Variants in ALK observed in about 807,000 individuals in gnomAD.
The protein encoded by ALK is ALK tyrosine kinase receptor.
ALK carries 74 observed loss-of-function variants against 163.1 expected under a neutral mutation model. The observed-to-expected ratio is 0.45, with a 90% CI of 0.38 to 0.55. The LOEUF (loss-of-function observed/expected upper bound fraction) is 0.55, where lower values mean the gene tolerates loss of function less well. Ranked by LOEUF, ALK falls within the 20% of genes least tolerant of loss-of-function variation. The probability of loss-of-function intolerance (pLI) is 0.00; values close to 1 mark genes in which losing one functional copy is unlikely to be tolerated. For synonymous variants in ALK, 960 were observed against 843.2 expected (o/e 1.14, Z -2.40); for missense variants, 2,063 against 2,105.3 (o/e 0.98, Z 0.39).
chr2:29,388,997 C>T (rs998911772), intron 4 of ALK, among the ~76,000 whole-genome samples: 3 of 152,208 alleles, frequency 2.0e-5, no homozygotes, highest in Admixed American at 6.5e-5. Flanking sequence ...AGAGTAAAAG[C>T]TTCTTCTTTA....
intron 4 of ALK, among the ~76,000 whole-genome samples, chr2:29,431,728 G>A (rs985757809): frequency 3.9e-5 from 6 of 152,094 alleles, no homozygotes; most frequent in Middle Eastern, 3.2e-3. Flanking sequence ...GCAGATATGG[G>A]GTTCCACAAA....
intron 4 of ALK, among the ~76,000 whole-genome samples, chr2:29,457,409 G>A (rs1471301417): frequency 1.3e-5 from 2 of 152,068 alleles, no homozygotes. Flanking sequence ...GGGCTTTCAG[G>A]GGATAATTCC....
chr2:29,634,130 G>A (rs1011996989), intron 3 of ALK, among the ~76,000 whole-genome samples: 5 of 135,954 alleles, frequency 3.7e-5, no homozygotes, highest in South Asian at 4.8e-4. Context: ...TTTTTTTTTC[G>A]CTCTGTCACC....
intron 3 of ALK, among the ~76,000 whole-genome samples, chr2:29,623,940 G>C (rs1256226361): frequency 6.6e-6 from 1 of 152,130 alleles, no homozygotes; most frequent in Non-Finnish European, 1.5e-5. Context: ...GAATTGTCTT[G>C]AATGAAAATG....
intron 3 of ALK, among the ~76,000 whole-genome samples, chr2:29,546,679 T>C (rs1409277000): frequency 6.6e-6 from 1 of 152,242 alleles, no homozygotes; most frequent in African/African-American, 2.4e-5. Context: ...TTGCTTTAAG[T>C]CCCAGATGTC....
At chr2:29,384,421 A>G (rs1013928491) in intron 4 of ALK, among the ~76,000 whole-genome samples, 5 of 152,214 alleles carry the variant, frequency 3.3e-5, no homozygotes, top group Non-Finnish European at 7.3e-5. Flanking sequence ...AAAGGTACCT[A>G]AGACTGACGT....
chr2:29,264,837 G>A (rs1332202752), intron 11 of ALK, among the ~76,000 whole-genome samples: 1 of 152,168 alleles, frequency 6.6e-6, no homozygotes, highest in East Asian at 1.9e-4. Flanking sequence ...AGTGTAAGTG[G>A]ACGTTTGCTG....
intron 2 of ALK, among the ~76,000 whole-genome samples, chr2:29,715,263 A>G (rs1679212718): frequency 6.6e-6 from 1 of 152,244 alleles, no homozygotes. Context: ...ATAAATCAAT[A>G]GCAACGATGG....
chr2:29,418,571 T>C (rs116525526), intron 4 of ALK, among the ~76,000 whole-genome samples: 1,572 of 152,312 alleles, frequency 0.01, 17 homozygotes, highest in African/African-American at 0.036. Flanking sequence ...GTCTCCAATG[T>C]CTATTATTCC....
At chr2:29,750,697 A>AAGGAAGGAAGGAAGGCAGGCAGGC (rs1402085327) in intron 1 of ALK, among the ~76,000 whole-genome samples, 1 of 84,534 alleles carries the variant, frequency 1.2e-5, no homozygotes, top group Admixed American at 1.3e-4. Context: ...GGAAGGAAGG[A>AAGGAAGGAAGGAAGGCAGGCAGGC]AGGCAGGCAG....
At chr2:29,774,570 G>A (rs918367849) in intron 1 of ALK, among the ~76,000 whole-genome samples, 1 of 152,190 alleles carries the variant, frequency 6.6e-6, no homozygotes, top group Non-Finnish European at 1.5e-5. Flanking sequence ...AAAGGTTAAT[G>A]CCTTGACCAA....
At chr2:29,571,046 T>C (rs1322886588) in intron 3 of ALK, among the ~76,000 whole-genome samples, 5 of 151,946 alleles carry the variant, frequency 3.3e-5, no homozygotes, top group African/African-American at 1.2e-4. Context: ...AAAATAGACA[T>C]AAAGAAACAT....
At chr2:29,523,721 A>G (rs1161040838) in intron 4 of ALK, among the ~76,000 whole-genome samples, 1 of 152,154 alleles carries the variant, frequency 6.6e-6, no homozygotes, top group Non-Finnish European at 1.5e-5. Flanking sequence ...AGGTATTCAC[A>G]GTTCTCTCAT....
At chr2:29,487,001 C>T (rs1206297919) in intron 4 of ALK, among the ~76,000 whole-genome samples, 2 of 152,102 alleles carry the variant, frequency 1.3e-5, no homozygotes, top group Non-Finnish European at 2.9e-5. Flanking sequence ...AAAAGGGTAA[C>T]AATGGCGAAT....
chr2:29,193,110 G>T lies in ALK; in HGVS notation c.*114C>A. On this transcript the variant is annotated 3_prime_UTR_variant, in exon 29 of 29. Transcript: ENST00000389048. The stretch of plus-strand genomic sequence containing the variant: ...CTTTTTTGGTGGTACTTCAAAATAG[G>T]TTGGCACAAAACAAAACGTGACATT... The T allele has an allele frequency of 2.5e-6, 3 of 1,214,764 alleles. No individual in the cohort carries two copies. Among genetic ancestry groups the T allele is most frequent in the East Asian group, 2.5e-5 (1 of 39,688 alleles). The allele number at this position is 1,214,764 out of a possible 1,614,324, so 75.2% of individuals were successfully genotyped here. A position where few individuals can be genotyped will look rare whatever the true frequency, so the allele number is the denominator to read the frequency against.
chr2:29,320,362 C>A (rs912774090), intron 7 of ALK, among the ~76,000 whole-genome samples: 3 of 152,144 alleles, frequency 2.0e-5, no homozygotes, highest in African/African-American at 7.2e-5. Flanking sequence ...GCAAATGACA[C>A]AAGGACTTGC....
chr2:29,919,903 A>G, intron 1 of ALK, 90 bp downstream of exon 1: 3 of 1,482,724 alleles, frequency 2.0e-6, no homozygotes, highest in Non-Finnish European at 2.8e-6. Context: ...GGTTTTAGAA[A>G]GTGGGGTGGA....
At chr2:29,644,528 C>A (rs894324582) in intron 3 of ALK, among the ~76,000 whole-genome samples, 1 of 151,944 alleles carries the variant, frequency 6.6e-6, no homozygotes, top group Non-Finnish European at 1.5e-5. Flanking sequence ...TGTGTCTTTG[C>A]AAGAGCAGAA....
intron 11 of ALK, among the ~76,000 whole-genome samples, chr2:29,263,633 G>A (rs970959876): frequency 2.6e-5 from 4 of 152,152 alleles, no homozygotes; most frequent in Non-Finnish European, 5.9e-5. Flanking sequence ...AAGGCAAAGT[G>A]TGTAAGACTA....
Sources: allele counts gnomAD v4.1 joint callset (sites outside exome capture counted in the v4.1 genomes callset), GRCh38; gene constraint gnomAD v4.1.1; transcripts MANE v1.5; gene names NCBI Gene and HGNC (gene_info 2026-07-23, HGNC 2026-07-21).